EFCAB3: variants seen among roughly 807,000 people sequenced by gnomAD.
EFCAB3 encodes EF-hand calcium binding domain 3.
In EFCAB3, 36 loss-of-function variants were observed where a neutral mutation model predicts 42.2. The observed-to-expected ratio is 0.85, with a 90% CI of 0.65 to 1.13. The LOEUF (loss-of-function observed/expected upper bound fraction) is 1.13, where lower values mean the gene tolerates loss of function less well. Ranked by LOEUF, EFCAB3 falls within the 50% of genes most tolerant of loss-of-function variation. The pLI, the probability that EFCAB3 is intolerant of heterozygous loss-of-function variation, is 0.00. For missense variants in EFCAB3, 418 were observed against 505.1 expected, an observed-to-expected ratio of 0.83 and a Z score of 1.65; for synonymous variants, 170 against 172.8, an observed-to-expected ratio of 0.98 and a Z score of 0.13.
upstream of EFCAB3, chr17:62,377,999 A>T: frequency 1.3e-6 from 2 of 1,550,044 alleles, no homozygotes; most frequent in African/African-American, 2.7e-5. Context: ...ATAAGTTGAA[A>T]ACTGCAAATG....
In EFCAB3 at chr17:62,413,790, T is replaced by C; in HGVS notation, c.926T>C (p.Ile309Thr). 2 of 1,613,840 alleles carry C rather than the reference T, an allele frequency of 1.2e-6. No homozygotes were observed. The change falls in exon 9 of 10, where the codon ATT becomes ACT. Residue 309 changes from isoleucine (I) to threonine (T), a missense_variant. Transcript: ENST00000305286. The stretch of plus-strand genomic sequence containing the variant: ...GGTTATTCAAATAACATCTTCACCA[T>C]TGATCAAATGCTCAAGAAAAAGCAG... ...ASGYSNNIFT[I>T]DQMLKKKQTC...
intron 1 of EFCAB3, chr17:62,382,041 C>T (rs116176108): frequency 0.01 from 2,117 of 208,342 alleles, 67 homozygotes; most frequent in African/African-American, 0.048. Context: ...CAAATAAAGC[C>T]TTTTACACAT....
At chr17:62,377,621 C>T (rs1598003872), upstream of EFCAB3, among the ~76,000 whole-genome samples, 1 of 152,094 alleles carries the variant, frequency 6.6e-6, no homozygotes, top group East Asian at 1.9e-4. Flanking sequence ...TAGTCAATAC[C>T]TTCCTAAACA....
chr17:62,382,740 G>C (rs1259076696), intron 1 of EFCAB3, among the ~76,000 whole-genome samples: 1 of 152,148 alleles, frequency 6.6e-6, no homozygotes, highest in African/African-American at 2.4e-5. Flanking sequence ...TAATTGAAGG[G>C]GGAGCAGTGA....
At chr17:62,381,214 G>A (rs941753257) in intron 1 of EFCAB3, among the ~76,000 whole-genome samples, 2 of 135,932 alleles carry the variant, frequency 1.5e-5, no homozygotes, top group African/African-American at 2.8e-5. Flanking sequence ...TGTTCTCATT[G>A]TTCAATTCCC....
upstream of EFCAB3, among the ~76,000 whole-genome samples, chr17:62,376,652 T>C (rs912659923): frequency 6.6e-6 from 1 of 152,184 alleles, no homozygotes; most frequent in African/African-American, 2.4e-5. Context: ...TTTCTCCCAT[T>C]TCCATTTCAC....
chr17:62,414,566 GTGTT>G lies in EFCAB3; in HGVS notation c.990+726_990+729del, dbSNP rs200096089. On this transcript the variant is annotated intron_variant, in intron 9 of 9. Coordinates refer to ENST00000305286, the MANE Select transcript of EFCAB3 (RefSeq NM_173503.4). Reference sequence around the variant, plus strand: ...CTCCCCTGGGAATTCTGTATCTCAGGTGTTTGTTTGTTTGTTTTGTGTGTGTGTG... The same window carrying G: ...CTCCCCTGGGAATTCTGTATCTCAGGTGTTTGTTTGTTTTGTGTGTGTGTG... Among the ~76,000 whole-genome samples, 61 of 134,130 alleles carry G rather than the reference GTGTT, an allele frequency of 4.5e-4. No homozygotes were observed. In the East Asian group the frequency reaches 8.4e-3, roughly 18 times the overall value. 88.0% of individuals were successfully genotyped at this position (134,130 alleles called of 152,430 possible).
chr17:62,388,613 C>A (rs941935634), intron 3 of EFCAB3, among the ~76,000 whole-genome samples: 1 of 152,182 alleles, frequency 6.6e-6, no homozygotes, highest in African/African-American at 2.4e-5. Context: ...CCACCTTGAC[C>A]AGCCCTGACA....
At chr17:62,413,934 A>T (rs1249665332) in intron 9 of EFCAB3, 80 bp downstream of exon 9, 1 of 1,453,958 alleles carries the variant, frequency 6.9e-7, no homozygotes, top group Admixed American at 2.2e-5. Flanking sequence ...CATAAAACCA[A>T]GAGAATTTTT....
chr17:62,391,666 G>A (rs2070303415), intron 3 of EFCAB3, among the ~76,000 whole-genome samples, 156 bp from the exon 4 acceptor site: 1 of 152,126 alleles, frequency 6.6e-6, no homozygotes, highest in South Asian at 2.1e-4. Context: ...GAAGGATACT[G>A]TCCTTTATAA....
chr17:62,388,969 A>C (rs1279033512), intron 3 of EFCAB3, among the ~76,000 whole-genome samples: 1 of 152,212 alleles, frequency 6.6e-6, no homozygotes, highest in East Asian at 1.9e-4. Context: ...CAGACGCAGA[A>C]ATGATGGCCA....
chr17:62,378,527 CT>C (rs976530293), upstream of EFCAB3, among the ~76,000 whole-genome samples: 5 of 152,060 alleles, frequency 3.3e-5, no homozygotes, highest in Admixed American at 2.0e-4. Context: ...GCGAGGCCCC[CT>C]CTCTATAAAA....
chr17:62,397,009 A>G (rs562783280), intron 6 of EFCAB3, among the ~76,000 whole-genome samples: 85 of 152,356 alleles, frequency 5.6e-4, no homozygotes, highest in Non-Finnish European at 1.2e-3. Context: ...AGCACAGGTC[A>G]GTTAAATAAC....
intron 1 of EFCAB3, among the ~76,000 whole-genome samples, chr17:62,373,058 A>C (rs2070124948): frequency 6.6e-6 from 1 of 152,096 alleles, no homozygotes; most frequent in Admixed American, 6.6e-5. Context: ...AAGTGGGTGG[A>C]TTGCTTGAGA....
At chr17:62,412,074 G>C (rs1017465689) in intron 8 of EFCAB3, among the ~76,000 whole-genome samples, 11 of 151,734 alleles carry the variant, frequency 7.2e-5, no homozygotes, top group Non-Finnish European at 1.0e-4. Context: ...AAGAGGGAGA[G>C]TAAATAAAAA....
chr17:62,390,302 A>T (rs1216988226), intron 3 of EFCAB3, among the ~76,000 whole-genome samples: 1 of 152,216 alleles, frequency 6.6e-6, no homozygotes, highest in Non-Finnish European at 1.5e-5. Context: ...AGAGGGGATG[A>T]GTTCCAATCC....
At chr17:62,398,025 CAA>C (rs34957895) in intron 6 of EFCAB3, 815 of 93,182 alleles carry the variant, frequency 8.7e-3, no homozygotes, top group South Asian at 0.027. Flanking sequence ...GACTCCATCT[CAA>C]AAAAAAAAAA....
At chr17:62,411,082 G>A (rs1458572552) in intron 8 of EFCAB3, among the ~76,000 whole-genome samples, 3 of 152,128 alleles carry the variant, frequency 2.0e-5, no homozygotes, top group African/African-American at 7.2e-5. Context: ...GTATTACCTT[G>A]GGAGGTCTGC....
intron 6 of EFCAB3, among the ~76,000 whole-genome samples, chr17:62,400,029 G>T (rs185451539): frequency 1.3e-5 from 2 of 151,952 alleles, no homozygotes; most frequent in Admixed American, 6.6e-5. Flanking sequence ...TCAAACCTGT[G>T]AGGTAGGTCC....
Sources: gnomAD v4.1 joint callset for allele counts (sites outside exome capture counted in the v4.1 genomes callset) on GRCh38, gnomAD v4.1.1 for gene constraint, MANE v1.5 for transcripts, NCBI Gene and HGNC (gene_info 2026-07-23, HGNC 2026-07-21) for gene names.